Variants in TTC29 observed in about 807,000 individuals in gnomAD.
TTC29 encodes tetratricopeptide repeat protein 29.
TTC29 carries 49 observed loss-of-function variants against 58.1 expected under a neutral mutation model. The observed-to-expected ratio is 0.84, with a 90% CI of 0.67 to 1.07. The LOEUF is 1.07. Ranked by LOEUF, TTC29 falls within the 50% of genes least tolerant of loss-of-function variation. TTC29 has a pLI of 0.00. For missense variants in TTC29, 582 were observed against 555.6 expected (o/e 1.05, Z -0.48); for synonymous variants, 209 against 196.8 (o/e 1.06, Z -0.52).
chr4:146,825,590 T>C (rs1178411739), intron 9 of TTC29, among the ~76,000 whole-genome samples: 3 of 152,144 alleles, frequency 2.0e-5, no homozygotes, highest in Non-Finnish European at 2.9e-5. Context: ...TGATTTGGGG[T>C]AGAGAGTTCT....
At chr4:146,794,638 A>G (rs1268015158) in intron 11 of TTC29, among the ~76,000 whole-genome samples, 1 of 152,106 alleles carries the variant, frequency 6.6e-6, no homozygotes, top group Non-Finnish European at 1.5e-5. Context: ...AGAATTAAAA[A>G]TATGTGGAAA....
intron 9 of TTC29, among the ~76,000 whole-genome samples, chr4:146,830,663 T>A (rs955568567): frequency 2.6e-5 from 4 of 152,206 alleles, no homozygotes; most frequent in African/African-American, 9.6e-5. Context: ...GCCACCACCA[T>A]AATTTCCTCT....
At chr4:146,750,153 G>A (rs771177959) in intron 11 of TTC29, among the ~76,000 whole-genome samples, 6 of 151,956 alleles carry the variant, frequency 3.9e-5, no homozygotes, top group Admixed American at 6.6e-5. Flanking sequence ...GACTACAGGC[G>A]CCTGCCACCA....
intron 10 of TTC29, among the ~76,000 whole-genome samples, chr4:146,817,134 G>A (rs1156442582): frequency 6.6e-6 from 1 of 152,208 alleles, no homozygotes; most frequent in Non-Finnish European, 1.5e-5. Flanking sequence ...AAAAGAGGAA[G>A]TCAAATTGTC....
rs955377908 is a variant in TTC29 at position 146,788,000 on chromosome 4, G to A, written c.1330+15457C>T. Among the ~76,000 whole-genome samples the A allele has an allele frequency of 5.3e-5, 8 of 152,034 alleles. No individual in the cohort carries two copies. The East Asian group carries it at 1.2e-3, about 22-fold the overall frequency. ...TGCCTGGGTACAGCATGCTGCCTAC[G>A]ATGAGTAGCAACTGTCAGTTTATTT... On this transcript the variant is annotated intron_variant, in intron 11 of 12. Transcript: ENST00000325106.
In TTC29 at chr4:146,809,694, C is replaced by G. The variant is rs1328801805; in HGVS notation, c.1102-6009G>C. On this transcript the variant is annotated intron_variant, in intron 10 of 12. Transcript: ENST00000325106. ...ATCATTACTGGCCATTAGAGAAATG[C>G]AAATCAAAACCACAATGAGATACCA... 1.3e-5 allele frequency among the ~76,000 whole-genome samples: 2 copies of G among 149,796 alleles called. 1 individual carries two copies. Among genetic ancestry groups the G allele is most frequent in the Admixed American group, 1.4e-4 (2 of 14,582 alleles).
chr4:146,930,169 A>G lies in TTC29; in HGVS notation c.176+7425T>C, dbSNP rs1408270560. Among the ~76,000 whole-genome samples the G allele has an allele frequency of 2.0e-5, 3 of 146,826 alleles. No homozygotes were observed. In the East Asian group the frequency reaches 6.0e-4, roughly 29 times the overall value. ...GCCTTCCTAGATCAAAGAAAGGGTG[A>G]TCATATTTTAAATGGTCTCAGAGAA... On this transcript the variant is annotated intron_variant, in intron 4 of 12. Transcript: ENST00000325106.
At chr4:146,769,957 TC>T (rs919439841) in intron 11 of TTC29, among the ~76,000 whole-genome samples, 39 of 152,018 alleles carry the variant, frequency 2.6e-4, no homozygotes, top group African/African-American at 8.9e-4. Context: ...AGGCTAAACA[TC>T]ATCTTTATTA....
At chr4:146,826,945 T>C (rs1199676356) in intron 9 of TTC29, among the ~76,000 whole-genome samples, 1 of 151,986 alleles carries the variant, frequency 6.6e-6, no homozygotes, top group Non-Finnish European at 1.5e-5. Flanking sequence ...GTTTTTCAGC[T>C]CCATCAGGTC....
chr4:146,867,524 C>A lies in TTC29; in HGVS notation c.859G>T (p.Ala287Ser), dbSNP rs778186328. The A allele has an allele frequency of 7.1e-6, 11 of 1,549,174 alleles. No homozygotes were observed. Among genetic ancestry groups the A allele is most frequent in the Non-Finnish European group, 9.6e-6 (11 of 1,145,756 alleles). ...GTTAATGCTGTTTCATATTCCTCAG[C>A]AGCTAAGTGTGCTAAGCCCAAGTAG... Reference protein sequence around the residue: ...SYYLGLAHLAAEEYETALTVL... With the variant: ...SYYLGLAHLASEEYETALTVL... Residue 287 changes from alanine (A) to serine (S), a missense_variant, in exon 8 of 13, where the codon GCT becomes TCT. Ala to Ser is a moderately conservative substitution (Grantham distance 99, BLOSUM62 1). Coordinates refer to ENST00000325106, the MANE Select transcript of TTC29 (RefSeq NM_031956.4).
chr4:146,881,988 G>A (rs895423912), intron 6 of TTC29, among the ~76,000 whole-genome samples: 5 of 152,114 alleles, frequency 3.3e-5, no homozygotes, highest in South Asian at 4.1e-4. Context: ...TCAAATGGAC[G>A]TTATAGGAAT....
At chr4:146,922,516 T>C (rs991129099) in intron 4 of TTC29, among the ~76,000 whole-genome samples, 3 of 149,322 alleles carry the variant, frequency 2.0e-5, no homozygotes, top group Non-Finnish European at 4.4e-5. Flanking sequence ...TAACTCTTAC[T>C]ATATGCTTAA....
chr4:146,923,573 C>T (rs997422786), intron 4 of TTC29, among the ~76,000 whole-genome samples: 1 of 151,786 alleles, frequency 6.6e-6, no homozygotes, highest in Non-Finnish European at 1.5e-5. Context: ...AGGGCTTTCT[C>T]TTTGGGATAC....
chr4:146,740,687 T>C (rs1415923359), intron 11 of TTC29, among the ~76,000 whole-genome samples: 1 of 152,084 alleles, frequency 6.6e-6, no homozygotes, highest in African/African-American at 2.4e-5. Context: ...AAATTAGATA[T>C]AAAATCATCC....
intron 6 of TTC29, among the ~76,000 whole-genome samples, chr4:146,878,322 C>T (rs773810531): frequency 3.7e-4 from 57 of 152,208 alleles, no homozygotes; most frequent in Non-Finnish European, 5.9e-4. Flanking sequence ...TCCCTGAGGA[C>T]GGAGCCTGAG....
intron 3 of TTC29, 39 bp from the exon 4 acceptor site, chr4:146,937,716 T>A (rs1735968807): frequency 7.1e-6 from 9 of 1,263,034 alleles, no homozygotes; most frequent in Admixed American, 2.7e-5. Context: ...CACAGCCTTA[T>A]CAAGTTGAAA....
intron 9 of TTC29, among the ~76,000 whole-genome samples, chr4:146,825,645 C>A (rs961673174): frequency 6.6e-6 from 1 of 152,122 alleles, no homozygotes; most frequent in Non-Finnish European, 1.5e-5. Flanking sequence ...GAGTTCAAGT[C>A]CTGAATATTC....
At chr4:146,934,819 C>T (rs1198041306) in intron 4 of TTC29, among the ~76,000 whole-genome samples, 1 of 152,034 alleles carries the variant, frequency 6.6e-6, no homozygotes, top group African/African-American at 2.4e-5. Flanking sequence ...ATCTAGGAAG[C>T]TGGGAACAGA....
At chr4:146,868,879 G>A (rs1730739312) in intron 7 of TTC29, among the ~76,000 whole-genome samples, 1 of 152,028 alleles carries the variant, frequency 6.6e-6, no homozygotes, top group Non-Finnish European at 1.5e-5. Flanking sequence ...CCTCATGAAT[G>A]TCTTGGTGCC....
Sources: gnomAD v4.1 joint callset for allele counts (sites outside exome capture counted in the v4.1 genomes callset) on GRCh38, gnomAD v4.1.1 for gene constraint, MANE v1.5 for transcripts, NCBI Gene and HGNC (gene_info 2026-07-23, HGNC 2026-07-21) for gene names.